ZMIZ1: variants seen among roughly 807,000 people sequenced by gnomAD.
ZMIZ1 encodes zinc finger MIZ domain-containing protein 1.
In ZMIZ1, 17 loss-of-function variants were observed where a neutral mutation model predicts 113.9. That is an observed-to-expected ratio of 0.15 (90% CI 0.10 to 0.22). ZMIZ1 has a LOEUF of 0.22. ZMIZ1 is among the 10% of genes least tolerant of loss of function. The probability of loss-of-function intolerance (pLI) is 1.00; values close to 1 mark genes in which losing one functional copy is unlikely to be tolerated. For synonymous variants in ZMIZ1, 607 were observed against 603.1 expected (o/e 1.01, Z -0.09); for missense variants, 1,059 against 1,477.8 (o/e 0.72, Z 4.65).
chr10:79,092,481 G>A (rs1428511677), intron 1 of ZMIZ1, among the ~76,000 whole-genome samples: 1 of 152,254 alleles, frequency 6.6e-6, no homozygotes, highest in Non-Finnish European at 1.5e-5. Flanking sequence ...ACGCAGTGTG[G>A]CTGTTGTTGT....
chr10:79,135,341 C>T (rs1452926269), intron 2 of ZMIZ1, among the ~76,000 whole-genome samples: 2 of 152,170 alleles, frequency 1.3e-5, no homozygotes, highest in African/African-American at 4.8e-5. Flanking sequence ...AGATTGTGCC[C>T]TTCTCTCCCC....
At chr10:79,169,488 C>G (rs1051505699) in intron 4 of ZMIZ1, among the ~76,000 whole-genome samples, 4 of 152,248 alleles carry the variant, frequency 2.6e-5, no homozygotes, top group African/African-American at 9.6e-5. Flanking sequence ...CTGTAGCCAG[C>G]TTAGCCTGTC....
chr10:79,110,064 G>A (rs1012560925), intron 1 of ZMIZ1, among the ~76,000 whole-genome samples: 2 of 152,252 alleles, frequency 1.3e-5, no homozygotes, highest in Non-Finnish European at 2.9e-5. Flanking sequence ...CTTGGGGGTG[G>A]CATGCATGGC....
At chr10:79,259,617 C>CT (rs376330346) in intron 7 of ZMIZ1, among the ~76,000 whole-genome samples, 9,892 of 141,132 alleles carry the variant, frequency 0.07, 412 homozygotes, top group East Asian at 0.15. Context: ...CTATCACCTT[C>CT]TTTTTTTTTT....
At chr10:79,191,662 G>A (rs1847609274) in intron 4 of ZMIZ1, among the ~76,000 whole-genome samples, 1 of 152,192 alleles carries the variant, frequency 6.6e-6, no homozygotes, top group South Asian at 2.1e-4. Context: ...AGGGAAGTTG[G>A]GGCTGGGGAA....
At position 79,175,167 on chromosome 10, in the gene ZMIZ1, A is replaced by G. The variant is rs144773688; in HGVS notation, c.-50+13034A>G. ...TCATAGCACCCAGATAGGGAGGGAG[A>G]CCACTGGTGGCAGCAAGCCTTACGC... On this transcript the variant is annotated intron_variant, in intron 4 of 24. Transcript: ENST00000334512. Among the ~76,000 whole-genome samples, 28 of 152,260 alleles carry G rather than the reference A, an allele frequency of 1.8e-4. 1 individual carries two copies. The East Asian group carries it at 4.5e-3, about 24-fold the overall frequency.
intron 4 of ZMIZ1, among the ~76,000 whole-genome samples, chr10:79,171,781 A>G (rs1846612887): frequency 6.6e-6 from 1 of 152,166 alleles, no homozygotes; most frequent in Non-Finnish European, 1.5e-5. Flanking sequence ...CAAGAATTTC[A>G]GGTGGGGCTA....
intron 7 of ZMIZ1, among the ~76,000 whole-genome samples, chr10:79,257,381 C>T (rs1447594096): frequency 6.6e-6 from 1 of 152,214 alleles, no homozygotes; most frequent in African/African-American, 2.4e-5. Flanking sequence ...TTGTGCTGTC[C>T]TGGTTGCTCT....
At chr10:79,139,463 AT>A (rs1446538993) in intron 2 of ZMIZ1, among the ~76,000 whole-genome samples, 1 of 152,178 alleles carries the variant, frequency 6.6e-6, no homozygotes, top group Non-Finnish European at 1.5e-5. Flanking sequence ...ATATTTATAT[AT>A]TTTTCAAAAT....
chr10:79,221,424 G>A (rs1018024734), intron 7 of ZMIZ1, among the ~76,000 whole-genome samples: 2 of 152,202 alleles, frequency 1.3e-5, no homozygotes, highest in East Asian at 1.9e-4. Context: ...CAGAGCGCAC[G>A]TGCGCGGGCG....
intron 7 of ZMIZ1, among the ~76,000 whole-genome samples, chr10:79,276,334 C>T (rs553804342): frequency 3.9e-5 from 6 of 152,328 alleles, no homozygotes; most frequent in Non-Finnish European, 4.4e-5. Context: ...GGCTGAGACA[C>T]GCTGGCCTGG....
intron 4 of ZMIZ1, among the ~76,000 whole-genome samples, chr10:79,181,704 G>A (rs1847127896): frequency 1.4e-5 from 1 of 73,630 alleles, no homozygotes. Flanking sequence ...TCCTGCCTCA[G>A]GCCAGCCTCA....
At chr10:79,106,249 C>T (rs554173542) in intron 1 of ZMIZ1, among the ~76,000 whole-genome samples, 1 of 152,356 alleles carries the variant, frequency 6.6e-6, no homozygotes, top group African/African-American at 2.4e-5. Flanking sequence ...GGCCCTAGCT[C>T]TCCCAGATGT....
chr10:79,203,273 A>C (rs1848176545), intron 5 of ZMIZ1, among the ~76,000 whole-genome samples: 1 of 152,214 alleles, frequency 6.6e-6, no homozygotes, highest in African/African-American at 2.4e-5. Flanking sequence ...TCTTATTAGC[A>C]TCGAGCAGAG....
chr10:79,165,960 G>GCGCGCGCGCA (rs1554860915), intron 4 of ZMIZ1, among the ~76,000 whole-genome samples: 2 of 47,032 alleles, frequency 4.3e-5, no homozygotes. Flanking sequence ...GTGTGTGTGT[G>GCGCGCGCGCA]TGTGTGTGTG....
chr10:79,213,687 C>A (rs1361293372), intron 6 of ZMIZ1, among the ~76,000 whole-genome samples: 1 of 152,216 alleles, frequency 6.6e-6, no homozygotes, highest in African/African-American at 2.4e-5. Flanking sequence ...GTCCTCAGTG[C>A]AGGTTGGAAG....
intron 1 of ZMIZ1, among the ~76,000 whole-genome samples, chr10:79,114,276 T>G (rs1326517175): frequency 6.6e-6 from 1 of 152,262 alleles, no homozygotes; most frequent in Non-Finnish European, 1.5e-5. Context: ...ATCAATAATT[T>G]AATACGCTCT....
chr10:79,136,452 G>T (rs1845010494), intron 2 of ZMIZ1, among the ~76,000 whole-genome samples: 1 of 152,242 alleles, frequency 6.6e-6, no homozygotes. Flanking sequence ...GGTGCTCAGT[G>T]CATCTGTGTG....
chr10:79,243,338 G>C (rs1218998350), intron 7 of ZMIZ1, among the ~76,000 whole-genome samples: 1 of 150,100 alleles, frequency 6.7e-6, no homozygotes, highest in Non-Finnish European at 1.5e-5. Flanking sequence ...CGCGCGGCTG[G>C]CTGCCTCCTC....
Sources: allele counts gnomAD v4.1 joint callset (sites outside exome capture counted in the v4.1 genomes callset), GRCh38; gene constraint gnomAD v4.1.1; transcripts MANE v1.5; gene names NCBI Gene and HGNC (gene_info 2026-07-23, HGNC 2026-07-21).